The following CCDC171 variants were observed in gnomAD, a reference collection of about 807,000 sequenced individuals.
CCDC171 encodes the protein coiled-coil domain-containing protein 171.
CCDC171 carries 177 observed loss-of-function variants against 168.2 expected under a neutral mutation model. The ratio of observed to expected loss-of-function variants is 1.05; its 90% CI spans 0.93 to 1.19. The LOEUF is 1.19. Among genes scored for constraint, CCDC171 ranks in the 50% most tolerant of loss-of-function variants. CCDC171 has a pLI of 0.00. For synonymous variants in CCDC171, 687 were observed against 540.8 expected (o/e 1.27, Z -3.75); for missense variants, 1,991 against 1,539.0 (o/e 1.29, Z -4.91).
At chr9:15,610,438 C>A (rs2043571172) in intron 6 of CCDC171, among the ~76,000 whole-genome samples, 1 of 60,184 alleles carries the variant, frequency 1.7e-5, no homozygotes, top group African/African-American at 6.2e-5. Context: ...GAAACCCCAT[C>A]TCAACTAAAA....
chr9:16,049,332 A>G (rs1197575886), intron 1 of CCDC171, among the ~76,000 whole-genome samples: 1 of 152,210 alleles, frequency 6.6e-6, no homozygotes. Context: ...GACTGAATTA[A>G]GGAATACCTA....
intron 23 of CCDC171, among the ~76,000 whole-genome samples, chr9:15,860,294 CCTT>C (rs1481294251): frequency 2.0e-5 from 3 of 151,400 alleles, no homozygotes; most frequent in Non-Finnish European, 2.9e-5. Flanking sequence ...TTATTTCCTT[CCTT>C]CTGCTAATTT....
At chr9:15,613,438 A>G (rs2043846626) in intron 6 of CCDC171, among the ~76,000 whole-genome samples, 1 of 152,232 alleles carries the variant, frequency 6.6e-6, no homozygotes, top group Non-Finnish European at 1.5e-5. Context: ...ACTCATATTA[A>G]ACATTGAAAT....
At chr9:16,021,444 T>A (rs1360967607) in intron 4 of CCDC171, among the ~76,000 whole-genome samples, 2 of 152,144 alleles carry the variant, frequency 1.3e-5, no homozygotes, top group Non-Finnish European at 2.9e-5. Context: ...TCCTCTAAGA[T>A]TTTTTACATA....
At chr9:15,567,395 T>C (rs989242454) in intron 2 of CCDC171, among the ~76,000 whole-genome samples, 3 of 152,226 alleles carry the variant, frequency 2.0e-5, no homozygotes, top group Admixed American at 2.0e-4. Flanking sequence ...TCCCATTTGT[T>C]CTTCAAGATT....
chr9:15,721,703 C>T, intron 11 of CCDC171, 66 bp from the exon 12 acceptor site: 1 of 755,532 alleles, frequency 1.3e-6, no homozygotes, highest in Non-Finnish European at 2.1e-6. Context: ...ATCTCTGTTA[C>T]TATTTGCCTA....
At chr9:15,706,073 G>C (rs2052197993) in intron 11 of CCDC171, among the ~76,000 whole-genome samples, 1 of 152,112 alleles carries the variant, frequency 6.6e-6, no homozygotes, top group South Asian at 2.1e-4. Context: ...TCTATCATTA[G>C]GGACATTTAT....
the CCDC171 span, among the ~76,000 whole-genome samples, chr9:16,098,933 C>A: frequency 6.6e-6 from 1 of 152,120 alleles, no homozygotes; most frequent in Admixed American, 6.5e-5. Context: ...TTTCCAGTGC[C>A]AAGTCCTGCA....
At chr9:15,629,035 C>T (rs1278124634) in intron 7 of CCDC171, among the ~76,000 whole-genome samples, 4 of 152,114 alleles carry the variant, frequency 2.6e-5, no homozygotes, top group African/African-American at 4.8e-5. Flanking sequence ...TTCTGTACAT[C>T]ACCATCATCA....
intron 6 of CCDC171, among the ~76,000 whole-genome samples, chr9:15,614,563 G>A (rs926339960): frequency 1.2e-4 from 18 of 152,232 alleles, no homozygotes; most frequent in African/African-American, 3.9e-4. Flanking sequence ...TTGCTTTTAC[G>A]AAGGAAAGGA....
chr9:15,677,433 C>G (rs2049664486), intron 9 of CCDC171, among the ~76,000 whole-genome samples: 1 of 152,024 alleles, frequency 6.6e-6, no homozygotes, highest in African/African-American at 2.4e-5. Flanking sequence ...AGGTCATGTG[C>G]TACTCAAAAA....
chr9:15,675,768 T>G (rs1365571292), intron 9 of CCDC171, among the ~76,000 whole-genome samples: 1 of 152,138 alleles, frequency 6.6e-6, no homozygotes, highest in Non-Finnish European at 1.5e-5. Context: ...GCTTCCCTTG[T>G]TGGTGAACTG....
chr9:15,903,880 C>T (rs1270650273), intron 24 of CCDC171, among the ~76,000 whole-genome samples: 1 of 152,112 alleles, frequency 6.6e-6, no homozygotes. Context: ...GTGACGAATG[C>T]ATAAGCCTCA....
At chr9:15,746,770 G>A (rs200184542) in intron 18 of CCDC171, among the ~76,000 whole-genome samples, 7 of 152,162 alleles carry the variant, frequency 4.6e-5, no homozygotes, top group Admixed American at 6.5e-5. Flanking sequence ...TGCAGCCCAC[G>A]GAGGGTGAGC....
At chr9:15,767,508 A>G (rs1431973092) in intron 18 of CCDC171, among the ~76,000 whole-genome samples, 3 of 152,098 alleles carry the variant, frequency 2.0e-5, no homozygotes, top group Non-Finnish European at 2.9e-5. Context: ...CATTCCATCT[A>G]CACCCTTAAT....
At chr9:15,628,392 A>G (rs2045356313) in intron 7 of CCDC171, among the ~76,000 whole-genome samples, 1 of 152,226 alleles carries the variant, frequency 6.6e-6, no homozygotes, top group African/African-American at 2.4e-5. Flanking sequence ...CATCTGGCTC[A>G]GAGGGTCCTG....
intron 21 of CCDC171, among the ~76,000 whole-genome samples, chr9:15,841,524 G>A: frequency 6.6e-6 from 1 of 151,888 alleles, no homozygotes. Flanking sequence ...TTCAGCTTCA[G>A]TTTATAAATA....
the CCDC171 span, among the ~76,000 whole-genome samples, chr9:16,081,544 G>C: frequency 6.6e-6 from 1 of 152,162 alleles, no homozygotes; most frequent in Non-Finnish European, 1.5e-5. Flanking sequence ...CAATCGTGAG[G>C]AAAGCCAGCC....
chr9:15,679,567 G>A (rs570506735), intron 10 of CCDC171, among the ~76,000 whole-genome samples: 19 of 151,836 alleles, frequency 1.3e-4, no homozygotes, highest in Non-Finnish European at 2.4e-4. Context: ...TTTTCTTTTT[G>A]AAGATGAGGT....
Sources: gnomAD v4.1 joint callset for allele counts (sites outside exome capture counted in the v4.1 genomes callset) on GRCh38, gnomAD v4.1.1 for gene constraint, MANE v1.5 for transcripts, NCBI Gene and HGNC (gene_info 2026-07-23, HGNC 2026-07-21) for gene names.